The following STMN4 variants were observed in gnomAD, a reference collection of about 807,000 sequenced individuals.
The protein encoded by STMN4 is stathmin-4.
A neutral mutation model predicts 29.1 loss-of-function variants in STMN4; 12 were observed. The observed-to-expected ratio is 0.41, with a 90% CI of 0.26 to 0.67. The LOEUF is 0.67. Among genes scored for constraint, STMN4 ranks in the 30% least tolerant of loss-of-function variants. The pLI, the probability that STMN4 is intolerant of heterozygous loss-of-function variation, is 0.30. For synonymous variants in STMN4, 114 were observed against 105.3 expected, an observed-to-expected ratio of 1.08 and a Z score of -0.51; for missense variants, 181 against 262.8, an observed-to-expected ratio of 0.69 and a Z score of 2.15.
At chr8:27,246,728 TG>T (rs770927236) in intron 1 of STMN4, among the ~76,000 whole-genome samples, 6 of 152,154 alleles carry the variant, frequency 3.9e-5, no homozygotes, top group Non-Finnish European at 5.9e-5. Flanking sequence ...AAGGAACCTT[TG>T]GGGCCGCCAG....
intron 1 of STMN4, among the ~76,000 whole-genome samples, chr8:27,257,159 T>A (rs1801964151): frequency 6.6e-6 from 1 of 152,150 alleles, no homozygotes. Context: ...CCTTTTCCCC[T>A]CTGCCTTCTC....
Sources: allele counts gnomAD v4.1 joint callset (sites outside exome capture counted in the v4.1 genomes callset), GRCh38; gene constraint gnomAD v4.1.1; transcripts MANE v1.5; gene names NCBI Gene and HGNC (gene_info 2026-07-23, HGNC 2026-07-21).